The following FLYWCH1 variants were observed in gnomAD, a reference collection of about 807,000 sequenced individuals.
FLYWCH1 encodes FLYWCH-type zinc finger-containing protein 1.
In FLYWCH1, 75 loss-of-function variants were observed where a neutral mutation model predicts 66.4. The ratio of observed to expected loss-of-function variants is 1.13; its 90% CI spans 0.94 to 1.37. The LOEUF (loss-of-function observed/expected upper bound fraction) is 1.37, where lower values mean the gene tolerates loss of function less well. Among genes scored for constraint, FLYWCH1 ranks in the 40% most tolerant of loss-of-function variants. FLYWCH1 has a pLI of 0.00. For missense variants in FLYWCH1, 1,334 were observed against 1,001.8 expected (o/e 1.33, Z -4.48); for synonymous variants, 595 against 429.9 (o/e 1.38, Z -4.75).
Position 2,946,316 on chromosome 16 carries a change from CTTTTTT to C in FLYWCH1, c.2112-2354_2112-2349del, listed in dbSNP as rs58279573. Among the ~76,000 whole-genome samples the C allele has an allele frequency of 6.6e-5, 5 of 75,548 alleles. No individual in the cohort carries two copies. In the East Asian group the frequency reaches 1.2e-3, roughly 18 times the overall value. The allele number at this position is 75,548 out of a possible 152,430, so 49.6% of individuals were successfully genotyped here. A position where few individuals can be genotyped will look rare whatever the true frequency, so the allele number is the denominator to read the frequency against. On this transcript the variant is annotated intron_variant, in intron 9 of 9. Transcript: ENST00000253928. ...TCATGCCCTGTATAGGTGGGCTGTACTTTTTTTTTTTTTTTTTTTTTTTGAGATGGA... is the reference window on the plus strand; with the variant it reads ...TCATGCCCTGTATAGGTGGGCTGTACTTTTTTTTTTTTTTTTTGAGATGGA...
intron 6 of FLYWCH1, chr16:2,935,490 GGCCT>G (rs2070960010): frequency 6.6e-6 from 1 of 152,196 alleles, no homozygotes; most frequent in Non-Finnish European, 1.5e-5. Context: ...CCTGCTTCTG[GGCCT>G]GCCTTTCTCT....
rs990608896 is a variant in FLYWCH1 at position 2,914,864 on chromosome 16, G to A, written c.-74+575G>A. On this transcript the variant is annotated intron_variant, in intron 2 of 9. Coordinates refer to ENST00000253928, the MANE Select transcript of FLYWCH1 (RefSeq NM_001308068.2). Reference sequence around the variant, plus strand: ...GCGGAGGTTGCAGTGAGACAGGATCGAGCCACTGCACTCCAGCCTGGGCGA... The same window carrying A: ...GCGGAGGTTGCAGTGAGACAGGATCAAGCCACTGCACTCCAGCCTGGGCGA... Among the ~76,000 whole-genome samples, 4 of 146,454 alleles carry A rather than the reference G, an allele frequency of 2.7e-5. No individual in the cohort carries two copies. In the East Asian group the frequency reaches 8.1e-4, roughly 30 times the overall value.
chr16:2,922,597 T>G (rs2070412648), intron 2 of FLYWCH1: 1 of 336,524 alleles, frequency 3.0e-6, no homozygotes, highest in South Asian at 2.5e-5. Context: ...TGTCGTATGT[T>G]GCAGATTTTT....
In FLYWCH1 at chr16:2,930,400, G is replaced by T. The variant is rs772351175; in HGVS notation, c.326-10G>T. The T allele has an allele frequency of 4.2e-6, 6 of 1,438,548 alleles. No homozygotes were observed. The highest frequency in any genetic ancestry group is 1.4e-5 in the African/African-American group (1 of 69,050). The allele number at this position is 1,438,548 out of a possible 1,614,324, so 89.1% of individuals were successfully genotyped here. ...CTAGCTTAGCTAACCTAGCCTTCCCGTTCCCCCAGCAGCCCCTCAGTCCCT... is the reference window on the plus strand; with the variant it reads ...CTAGCTTAGCTAACCTAGCCTTCCCTTTCCCCCAGCAGCCCCTCAGTCCCT... On this transcript the variant is annotated splice_polypyrimidine_tract_variant and intron_variant, in intron 3 of 9. Coordinates refer to ENST00000253928, the MANE Select transcript of FLYWCH1 (RefSeq NM_001308068.2).
In FLYWCH1 at chr16:2,930,557, G is replaced by A. The variant is rs376432894; in HGVS notation, c.473G>A (p.Arg158Gln). Reference sequence around the variant, plus strand: ...CATGCTGAGCTGGGCTGCCGGGGCCGGGCCATCACCCGAGGCCTGCGGGCC... The same window carrying A: ...CATGCTGAGCTGGGCTGCCGGGGCCAGGCCATCACCCGAGGCCTGCGGGCC... Reference protein sequence around the residue: ...RQHAELGCRGRAITRGLRATV... With the variant: ...RQHAELGCRGQAITRGLRATV... The change falls in exon 4 of 10, where the codon CGG becomes CAG. Residue 158 changes from arginine (R) to glutamine (Q), a missense_variant. Transcript: ENST00000253928. The A allele has an allele frequency of 1.2e-5, 18 of 1,552,082 alleles. No individual in the cohort carries two copies. Among genetic ancestry groups the A allele is most frequent in the South Asian group, 3.6e-5 (3 of 83,608 alleles).
chr16:2,923,403 C>T (rs535146196), intron 2 of FLYWCH1, among the ~76,000 whole-genome samples: 2 of 152,296 alleles, frequency 1.3e-5, no homozygotes, highest in Admixed American at 6.5e-5. Flanking sequence ...TCCGCCACCA[C>T]GCCCGGCTAA....
chr16:2,932,740 G>A (rs8051588), intron 4 of FLYWCH1, among the ~76,000 whole-genome samples: 68,685 of 151,974 alleles, frequency 0.45, 15,824 homozygotes, highest in East Asian at 0.54. Context: ...ATGAGCAGGA[G>A]TGACAGAAAA....
intron 4 of FLYWCH1, among the ~76,000 whole-genome samples, chr16:2,932,270 CAAAAAAA>C (rs71158125): frequency 1.1e-4 from 6 of 55,302 alleles, no homozygotes; most frequent in East Asian, 5.1e-4. Flanking sequence ...GACCCTGTCT[CAAAAAAA>C]AAAAAAAAAA....
Position 2,936,906 on chromosome 16 carries a change from G to T in FLYWCH1, c.1514-215G>T, listed in dbSNP as rs924881362. ...GGACGCTTGGCCGCCACCTGCAGGG[G>T]CCTCACCTGACCAGTCCCCAGCCTC... On this transcript the variant is annotated intron_variant, in intron 6 of 9. Transcript: ENST00000253928. 3 of 678,088 alleles carry T rather than the reference G, an allele frequency of 4.4e-6. No individual in the cohort carries two copies. The African/African-American group carries it at 5.3e-5, about 12-fold the overall frequency. The allele number at this position is 678,088 out of a possible 1,614,324, so 42.0% of individuals were successfully genotyped here.
chr16:2,937,414 G>A (rs779500519), intron 7 of FLYWCH1, 30 bp downstream of exon 7: 5 of 1,504,072 alleles, frequency 3.3e-6, no homozygotes, highest in Middle Eastern at 2.4e-4. Flanking sequence ...GGCTGGGTCT[G>A]CCTGGTCTCC....
chr16:2,948,854 C>CT lies in FLYWCH1; in HGVS notation c.*129dup. 1.3e-6 allele frequency: 1 copy of CT among 793,714 alleles called. No homozygotes were observed. Among genetic ancestry groups the CT allele is most frequent in the Non-Finnish European group, 2.1e-6 (1 of 474,804 alleles). 49.2% of individuals were successfully genotyped at this position (793,714 alleles called of 1,614,324 possible). On this transcript the variant is annotated 3_prime_UTR_variant, in exon 10 of 10. Transcript: ENST00000253928. ...TTCATTCTTCCAAAGCATCGATGGTCTTCGCGTCTCCTCAGGAGGTCTCCC... is the reference window on the plus strand; with the variant it reads ...TTCATTCTTCCAAAGCATCGATGGTCTTTCGCGTCTCCTCAGGAGGTCTCCC...
In FLYWCH1 at chr16:2,929,877, C is replaced by A; in HGVS notation, c.192C>A (p.Cys64Ter). ...GATCCAAGCCCCAGGAAGTGCACTGCGTCCTGTCCCTGGAGATGGCTGGCC... is the reference window on the plus strand; with the variant it reads ...GATCCAAGCCCCAGGAAGTGCACTGAGTCCTGTCCCTGGAGATGGCTGGCC... ...GVGSKPQEVH[C>*]VLSLEMAGPA... Residue 64 changes from cysteine (C) to a stop codon, truncating the protein, a stop_gained, in exon 3 of 10, where the codon TGC becomes TGA. Transcript: ENST00000253928. LOFTEE classifies it high-confidence loss of function. The A allele has an allele frequency of 6.2e-7, 1 of 1,613,912 alleles. No homozygotes were observed. The highest frequency in any genetic ancestry group is 8.5e-7 in the Non-Finnish European group (1 of 1,179,876).
rs1360480377 is a variant in FLYWCH1, at chr16:2,929,661, T to C, written c.-25T>C. On this transcript the variant is annotated 5_prime_UTR_variant, in exon 3 of 10. Transcript: ENST00000253928. Reference sequence around the variant, plus strand: ...TCCTTGCTGGGTGCTGAGCGTGGCCTGAGGGACAGGCCCTGGGTCCCGGGA... The same window carrying C: ...TCCTTGCTGGGTGCTGAGCGTGGCCCGAGGGACAGGCCCTGGGTCCCGGGA... 2 of 1,599,120 alleles carry C rather than the reference T, an allele frequency of 1.3e-6. No individual in the cohort carries two copies. The highest frequency in any genetic ancestry group is 2.3e-5 in the East Asian group (1 of 44,402).
At position 2,929,698 on chromosome 16, in the gene FLYWCH1, G is replaced by A. The variant is rs944129644; in HGVS notation, c.13G>A (p.Glu5Lys). 42 of 1,611,452 alleles carry A rather than the reference G, an allele frequency of 2.6e-5. No homozygotes were observed. Among genetic ancestry groups the A allele is most frequent in the Non-Finnish European group, 2.9e-5 (34 of 1,178,918 alleles). Residue 5 changes from glutamate to lysine, a missense_variant, in exon 3 of 10, where the codon GAG (glutamate) becomes AAG (lysine). Coordinates refer to ENST00000253928, the MANE Select transcript of FLYWCH1 (RefSeq NM_001308068.2). The stretch of plus-strand genomic sequence containing the variant: ...CCTGGGTCCCGGGATGCCCCTGCCC[G>A]AGCCCAGCGAGCAGGAGGGCGAGAG... MPLP[E>K]PSEQEGESVK...
intron 2 of FLYWCH1, among the ~76,000 whole-genome samples, chr16:2,928,328 A>G (rs947537549): frequency 6.6e-6 from 1 of 151,962 alleles, no homozygotes; most frequent in African/African-American, 2.4e-5. Flanking sequence ...AGGCTGGGGG[A>G]TGGTAAGGTC....
chr16:2,914,200 G>A lies in FLYWCH1; in HGVS notation c.-163G>A, dbSNP rs1187716215. On this transcript the variant is annotated 5_prime_UTR_variant, in exon 2 of 10. Coordinates refer to ENST00000253928, the MANE Select transcript of FLYWCH1 (RefSeq NM_001308068.2). ...GGTGAAACCAGCCCAGAGAAGTTAC[G>A]GGATTTGCCCCCGGGGCTCCTGCCC... 1.3e-5 allele frequency: 2 copies of A among 152,250 alleles called. No individual in the cohort carries two copies. The highest frequency in any genetic ancestry group is 2.1e-4 in the South Asian group (1 of 4,828). 9.4% of individuals were successfully genotyped at this position (152,250 alleles called of 1,614,324 possible).
chr16:2,914,044 C>G (rs1372776397), intron 1 of FLYWCH1, 132 bp from the exon 2 acceptor site: 1 of 152,224 alleles, frequency 6.6e-6, no homozygotes, highest in Non-Finnish European at 1.5e-5. Context: ...AGGGCCTTCC[C>G]TCCTCCCGCT....
intron 2 of FLYWCH1, chr16:2,922,722 G>A: frequency 4.0e-6 from 2 of 500,752 alleles, no homozygotes; most frequent in South Asian, 2.9e-5. Flanking sequence ...TGGAACATGT[G>A]CCTTCTTCTC....
At chr16:2,932,270 CA>C (rs71158125) in intron 4 of FLYWCH1, among the ~76,000 whole-genome samples, 3,412 of 55,282 alleles carry the variant, frequency 0.062, 49 homozygotes, top group African/African-American at 0.15. Flanking sequence ...GACCCTGTCT[CA>C]AAAAAAAAAA....
Sources: allele counts gnomAD v4.1 joint callset (sites outside exome capture counted in the v4.1 genomes callset), GRCh38; gene constraint gnomAD v4.1.1; transcripts MANE v1.5; gene names NCBI Gene and HGNC (gene_info 2026-07-23, HGNC 2026-07-21).